The following COL13A1 variants were observed in gnomAD, a reference collection of about 807,000 sequenced individuals.
COL13A1 encodes the protein collagen type XIII alpha 1 chain.
Under a neutral mutation model 130.9 loss-of-function variants are expected in COL13A1, and 89 were observed. The ratio of observed to expected loss-of-function variants is 0.68; its 90% CI spans 0.57 to 0.81. The LOEUF is 0.81. COL13A1 is among the 30% of genes least tolerant of loss of function. COL13A1 has a pLI of 0.00. For synonymous variants in COL13A1, 402 were observed against 341.6 expected, an observed-to-expected ratio of 1.18 and a Z score of -1.95; for missense variants, 879 against 934.6, an observed-to-expected ratio of 0.94 and a Z score of 0.78.
chr10:69,914,889 C>T (rs948912832), intron 17 of COL13A1, among the ~76,000 whole-genome samples: 5 of 152,326 alleles, frequency 3.3e-5, no homozygotes, highest in South Asian at 2.1e-4. Flanking sequence ...GGGCATCCTG[C>T]GCTGAGCGGC....
At chr10:69,919,861 G>C in intron 21 of COL13A1, 134 bp downstream of exon 21, 1 of 397,102 alleles carries the variant, frequency 2.5e-6, no homozygotes, top group Non-Finnish European at 4.4e-6. Context: ...TGAGGGGAGT[G>C]GCAGGACGGC....
chr10:69,827,829 G>A (rs1008411510), intron 2 of COL13A1, among the ~76,000 whole-genome samples: 1 of 152,036 alleles, frequency 6.6e-6, no homozygotes, highest in African/African-American at 2.4e-5. Flanking sequence ...CATTTACATG[G>A]GCAGGACCTG....
At chr10:69,922,356 C>T (rs2064798976) in intron 22 of COL13A1, among the ~76,000 whole-genome samples, 1 of 152,178 alleles carries the variant, frequency 6.6e-6, no homozygotes, top group Non-Finnish European at 1.5e-5. Context: ...GTGATGGGGT[C>T]TGCAAAGCTT....
chr10:69,895,103 C>T (rs1351374514), intron 12 of COL13A1, among the ~76,000 whole-genome samples: 4 of 152,222 alleles, frequency 2.6e-5, no homozygotes, highest in Admixed American at 1.3e-4. Flanking sequence ...AGAGACACTG[C>T]TGTGCTTGCC....
At chr10:69,864,052 G>C (rs1031974544) in intron 2 of COL13A1, among the ~76,000 whole-genome samples, 43 of 152,182 alleles carry the variant, frequency 2.8e-4, no homozygotes, top group South Asian at 2.1e-4. Context: ...CTGGGCAACG[G>C]AGTGAGATAC....
At chr10:69,944,932 A>G (rs1051812371) in intron 36 of COL13A1, among the ~76,000 whole-genome samples, 12 of 152,256 alleles carry the variant, frequency 7.9e-5, no homozygotes, top group African/African-American at 2.9e-4. Flanking sequence ...GGCCAGAGCC[A>G]TAGGCCAGGC....
At chr10:69,853,362 C>A (rs1398044950) in intron 2 of COL13A1, among the ~76,000 whole-genome samples, 1 of 152,060 alleles carries the variant, frequency 6.6e-6, no homozygotes, top group South Asian at 2.1e-4. Flanking sequence ...TCCAATGAGG[C>A]CTCTTATCTG....
intron 40 of COL13A1, 94 bp downstream of exon 40, chr10:69,957,136 G>A: frequency 9.2e-7 from 1 of 1,085,856 alleles, no homozygotes; most frequent in Non-Finnish European, 1.4e-6. Context: ...AGATGAGGCA[G>A]CAAGACATAG....
At chr10:69,802,801 G>A (rs1840390852) in intron 1 of COL13A1, 84 bp downstream of exon 1, 14 of 1,548,580 alleles carry the variant, frequency 9.0e-6, no homozygotes, top group Non-Finnish European at 1.2e-5. Context: ...GGTGTCCGCG[G>A]GCGCTCGCTC....
At chr10:69,958,641 A>C in intron 40 of COL13A1, 58 bp from the exon 41 acceptor site, 1 of 1,612,740 alleles carries the variant, frequency 6.2e-7, no homozygotes, top group Non-Finnish European at 8.5e-7. Flanking sequence ...TACAAAGGAA[A>C]TAAACCTCTG....
chr10:69,922,883 TC>T, intron 23 of COL13A1, 89 bp downstream of exon 23: 2 of 825,272 alleles, frequency 2.4e-6, no homozygotes, highest in Non-Finnish European at 3.6e-6. Flanking sequence ...GTCCCGGACA[TC>T]CCGCCTTCTC....
At chr10:69,817,243 G>T (rs1184877677) in intron 1 of COL13A1, among the ~76,000 whole-genome samples, 1 of 152,058 alleles carries the variant, frequency 6.6e-6, no homozygotes, top group East Asian at 1.9e-4. Flanking sequence ...AGGAAGGCAG[G>T]GGACTTGCTG....
At chr10:69,938,468 C>G (rs184217290) in intron 34 of COL13A1, among the ~76,000 whole-genome samples, 1 of 152,250 alleles carries the variant, frequency 6.6e-6, no homozygotes, top group East Asian at 1.9e-4. Context: ...CGATCCATCC[C>G]ATCATTTCAC....
intron 2 of COL13A1, among the ~76,000 whole-genome samples, chr10:69,837,808 A>C (rs979727683): frequency 2.4e-4 from 18 of 73,530 alleles, no homozygotes; most frequent in African/African-American, 7.4e-4. Flanking sequence ...ATAAACGCAG[A>C]GAAGAAGACA....
At chr10:69,922,829 C>A in intron 23 of COL13A1, 35 bp downstream of exon 23, 2 of 1,444,788 alleles carry the variant, frequency 1.4e-6, no homozygotes, top group South Asian at 1.3e-5. Flanking sequence ...TGGGGAGGTG[C>A]TTACCTGGGG....
chr10:69,932,227 C>G (rs2066213828), intron 30 of COL13A1, among the ~76,000 whole-genome samples: 2 of 152,184 alleles, frequency 1.3e-5, no homozygotes, highest in African/African-American at 4.8e-5. Flanking sequence ...ATGTCACCAT[C>G]TGTATGACAT....
intron 1 of COL13A1, among the ~76,000 whole-genome samples, chr10:69,804,435 T>G (rs1255840987): frequency 2.0e-5 from 3 of 152,070 alleles, no homozygotes; most frequent in Admixed American, 2.0e-4. Context: ...GTATCCGACA[T>G]GCTCACTCCT....
chr10:69,922,693 A>T lies in COL13A1; in HGVS notation c.1144-15A>T. 6.3e-7 allele frequency: 1 copy of T among 1,593,102 alleles called. No individual in the cohort carries two copies. The highest frequency in any genetic ancestry group is 8.5e-7 in the Non-Finnish European group (1 of 1,169,640). On this transcript the variant is annotated splice_polypyrimidine_tract_variant and intron_variant, in intron 22 of 40. Transcript: ENST00000645393. ...CCTCCACACCAGGGATGCTAACTCC[A>T]CCTTCCACCCCCAGGGAGAGAAAGG...
intron 1 of COL13A1, among the ~76,000 whole-genome samples, chr10:69,817,098 C>T (rs1298126314): frequency 6.6e-6 from 1 of 152,168 alleles, no homozygotes; most frequent in Non-Finnish European, 1.5e-5. Flanking sequence ...TGTTTCCAAA[C>T]TATGGCTGCT....
Sources: gnomAD v4.1 joint callset for allele counts (sites outside exome capture counted in the v4.1 genomes callset) on GRCh38, gnomAD v4.1.1 for gene constraint, MANE v1.5 for transcripts, NCBI Gene and HGNC (gene_info 2026-07-23, HGNC 2026-07-21) for gene names.